Variants in MDM4 observed in about 807,000 individuals in gnomAD.
MDM4 encodes protein Mdm4.
MDM4 carries 2 observed loss-of-function variants against 60.2 expected under a neutral mutation model. The observed-to-expected ratio is 0.03, with a 90% CI of 0.01 to 0.10. The LOEUF is 0.10. Ranked by LOEUF, MDM4 falls within the 10% of genes least tolerant of loss-of-function variation. The pLI is 1.00. For missense variants in MDM4, 447 were observed against 577.5 expected, an observed-to-expected ratio of 0.77 and a Z score of 2.32; for synonymous variants, 202 against 198.1, an observed-to-expected ratio of 1.02 and a Z score of -0.17.
Position 204,525,596 on chromosome 1 carries a change from G to A in MDM4, c.78G>A (p.Gln26=), listed in dbSNP as rs2102314742. ...GGATCTCTCCTGGACAAATCAATCA[G>A]GTAAATCATTTTCGGTATTTCTAGT... is the stretch of plus-strand genomic sequence containing the variant. ...ACRISPGQIN[Q]VRPKLPLLKI... The change falls in exon 2 of 11, where the codon CAG becomes CAA. Residue 26 remains glutamine (Q), a splice_region_variant and synonymous_variant. Transcript: ENST00000367182. 1 of 1,560,820 alleles carries A rather than the reference G, an allele frequency of 6.4e-7. No individual in the cohort carries two copies. Among genetic ancestry groups the A allele is most frequent in the East Asian group, 2.3e-5 (1 of 44,200 alleles).
chr1:204,523,751 T>C (rs931372022), intron 1 of MDM4, among the ~76,000 whole-genome samples: 3 of 152,094 alleles, frequency 2.0e-5, no homozygotes, highest in African/African-American at 7.2e-5. Flanking sequence ...CAAACATAAA[T>C]TTAATTTTCT....
intron 3 of MDM4, among the ~76,000 whole-genome samples, chr1:204,528,439 A>G (rs1660466892): frequency 6.6e-6 from 1 of 152,158 alleles, no homozygotes; most frequent in South Asian, 2.1e-4. Flanking sequence ...ATGTGACAGG[A>G]TGGCCTGGTG....
Position 204,549,578 on chromosome 1 carries a change from C to T in MDM4, c.1369C>T (p.Leu457Phe). 1 of 1,613,504 alleles carries T rather than the reference C, an allele frequency of 6.2e-7. No homozygotes were observed. Among genetic ancestry groups the T allele is most frequent in the Non-Finnish European group, 8.5e-7 (1 of 1,179,892 alleles). The stretch of plus-strand genomic sequence containing the variant: ...CATTATTCATGGAAGGACGGGCCAT[C>T]TTGTCACTTGTTTTCACTGTGCCAG... ...GNIIHGRTGH[L>F]VTCFHCARRL... Residue 457 changes from leucine (L) to phenylalanine (F), a missense_variant, in exon 11 of 11, where the codon CTT (leucine) becomes TTT (phenylalanine). Leu to Phe is a conservative substitution (Grantham distance 22). This residue lies in a region of MDM4 where 26 missense variants were observed against 70.0 expected (regional missense o/e 0.37). Coordinates refer to ENST00000367182, the MANE Select transcript of MDM4 (RefSeq NM_002393.5).
chr1:204,530,598 A>G (rs578228808), intron 3 of MDM4, 86 bp from the exon 4 acceptor site: 1 of 1,542,564 alleles, frequency 6.5e-7, no homozygotes, highest in South Asian at 1.2e-5. Context: ...TTTCTTTAGC[A>G]AACTAACTTA....
intron 3 of MDM4, chr1:204,529,259 T>C: frequency 1.4e-6 from 1 of 731,442 alleles, no homozygotes. Flanking sequence ...AAGGACCAGT[T>C]GCAGTTGACC....
At chr1:204,532,876 G>A in intron 5 of MDM4, 1 of 1,572,594 alleles carries the variant, frequency 6.4e-7, no homozygotes, top group African/African-American at 1.4e-5. Context: ...TTGGTAAACT[G>A]GTAGTGCTTG....
rs1158839037 is a variant in MDM4 at position 204,525,603 on chromosome 1, C to A, written c.78+7C>A. On this transcript the variant is annotated splice_region_variant and intron_variant, in intron 2 of 10. Transcript: ENST00000367182. ...TCCTGGACAAATCAATCAGGTAAATCATTTTCGGTATTTCTAGTTTTTTGG... is the reference window on the plus strand; with the variant it reads ...TCCTGGACAAATCAATCAGGTAAATAATTTTCGGTATTTCTAGTTTTTTGG... 10 of 1,489,984 alleles carry A rather than the reference C, an allele frequency of 6.7e-6. No homozygotes were observed. The highest frequency in any genetic ancestry group is 2.3e-5 in the East Asian group (1 of 43,904). The allele number at this position is 1,489,984 out of a possible 1,614,324, so 92.3% of individuals were successfully genotyped here. A position where few individuals can be genotyped will look rare whatever the true frequency, so the allele number is the denominator to read the frequency against.
At chr1:204,544,459 G>T in intron 8 of MDM4, 76 bp from the exon 9 acceptor site, 2 of 1,423,078 alleles carry the variant, frequency 1.4e-6, no homozygotes, top group Non-Finnish European at 1.9e-6. Context: ...ATTGAGTTTT[G>T]GGTTCATTTG....
intron 3 of MDM4, chr1:204,529,066 A>G (rs911496057): frequency 2.0e-6 from 3 of 1,473,100 alleles, no homozygotes; most frequent in South Asian, 1.2e-5. Context: ...CCCATTTGGG[A>G]CAGAGCTTGC....
intron 3 of MDM4, chr1:204,528,698 AC>A: frequency 1.6e-6 from 1 of 609,082 alleles, no homozygotes. Context: ...AGGACTCTCA[AC>A]CCTCTTTTGG....
chr1:204,519,461 C>T lies in MDM4; in HGVS notation c.-36+2952C>T, dbSNP rs1056287472. On this transcript the variant is annotated intron_variant, in intron 1 of 10. Coordinates refer to ENST00000367182, the MANE Select transcript of MDM4 (RefSeq NM_002393.5). ...GGTGGAGGTTGCGGTGGACCAGGAT[C>T]GCTCCATTGCACTCCAACCTGGGCA... Among the ~76,000 whole-genome samples, 12 of 151,998 alleles carry T rather than the reference C, an allele frequency of 7.9e-5. 1 individual carries two copies. The highest frequency in any genetic ancestry group is 3.9e-4 in the East Asian group (2 of 5,182).
At position 204,557,323 on chromosome 1, in the gene MDM4, A is replaced by T. The variant is rs1419696378; in HGVS notation, c.*7641A>T. ...TTGACCAGAAAAGAGTTCTTTCTCT[A>T]GGTGTTCTGAGAGAAGTTTGTAAAT... On this transcript the variant is annotated 3_prime_UTR_variant, in exon 11 of 11. Coordinates refer to ENST00000367182, the MANE Select transcript of MDM4 (RefSeq NM_002393.5). 2.1e-5 allele frequency: 4 copies of T among 186,372 alleles called. No individual in the cohort carries two copies. The highest frequency in any genetic ancestry group is 9.4e-5 in the African/African-American group (4 of 42,652). 11.5% of individuals were successfully genotyped at this position (186,372 alleles called of 1,614,324 possible).
intron 5 of MDM4, among the ~76,000 whole-genome samples, chr1:204,535,837 G>A (rs1460399641): frequency 2.6e-5 from 4 of 151,604 alleles, no homozygotes; most frequent in South Asian, 2.1e-4. Flanking sequence ...CACCACACCC[G>A]GCTAATTTTA....
intron 5 of MDM4, among the ~76,000 whole-genome samples, chr1:204,535,632 C>T (rs1027178621): frequency 9.2e-5 from 14 of 151,438 alleles, no homozygotes; most frequent in African/African-American, 3.4e-4. Flanking sequence ...CTCCTGGGTT[C>T]AGGTGATCTC....
chr1:204,525,392 G>A, intron 1 of MDM4, 92 bp from the exon 2 acceptor site: 1 of 1,450,706 alleles, frequency 6.9e-7, no homozygotes, highest in South Asian at 1.5e-5. Context: ...TGTCATATGT[G>A]TCTTTTACTT....
rs1260804031 is a variant in MDM4, at chr1:204,553,679, CAA to C, written c.*3999_*4000del. 1.3e-5 allele frequency: 3 copies of C among 227,476 alleles called. No individual in the cohort carries two copies. The highest frequency in any genetic ancestry group is 5.7e-5 in the Admixed American group (1 of 17,562). The allele number at this position is 227,476 out of a possible 1,614,324, so 14.1% of individuals were successfully genotyped here. A position where few individuals can be genotyped will look rare whatever the true frequency, so the allele number is the denominator to read the frequency against. On this transcript the variant is annotated 3_prime_UTR_variant, in exon 11 of 11. Coordinates refer to ENST00000367182, the MANE Select transcript of MDM4 (RefSeq NM_002393.5). Reference sequence around the variant, plus strand: ...GGCGAAAAGTTCAGAGCAGAGATGACAAATCATTAGAACAACGATGAATTTCA... The same window carrying C: ...GGCGAAAAGTTCAGAGCAGAGATGACATCATTAGAACAACGATGAATTTCA...
chr1:204,544,814 A>G, intron 9 of MDM4, 130 bp downstream of exon 9: 2 of 894,342 alleles, frequency 2.2e-6, no homozygotes, highest in Non-Finnish European at 3.2e-6. Context: ...TTAATTTTTC[A>G]ATCCAATTTT....
At chr1:204,519,366 G>A (rs990369474) in intron 1 of MDM4, among the ~76,000 whole-genome samples, 4 of 152,152 alleles carry the variant, frequency 2.6e-5, no homozygotes, top group South Asian at 4.1e-4. Flanking sequence ...AGTTAGCTGG[G>A]CGTGATGGTG....
chr1:204,537,482 T>C lies in MDM4; in HGVS notation c.396T>C (p.Ser132=). The part of the protein sequence containing the change: ...LAQDHSMDIP[S]QDQLKQSAEE... ...AGGATCACAGTATGGATATTCCAAG[T>C]CAAGACCAACTGAAGGTAAAATCAC... Residue 132 remains serine, a synonymous_variant, in exon 6 of 11, where the codon AGT becomes AGC. Coordinates refer to ENST00000367182, the MANE Select transcript of MDM4 (RefSeq NM_002393.5). 6.2e-7 allele frequency: 1 copy of C among 1,613,412 alleles called. No homozygotes were observed. Among genetic ancestry groups the C allele is most frequent in the Non-Finnish European group, 8.5e-7 (1 of 1,179,332 alleles).
Sources: allele counts gnomAD v4.1 joint callset (sites outside exome capture counted in the v4.1 genomes callset), GRCh38; gene constraint gnomAD v4.1.1; regional missense constraint gnomAD v4.1.1; transcripts MANE v1.5; gene names NCBI Gene and HGNC (gene_info 2026-07-23, HGNC 2026-07-21).